The following NAMPT variants were observed in gnomAD, a reference collection of about 807,000 sequenced individuals.
NAMPT encodes nicotinamide phosphoribosyltransferase.
NAMPT carries 7 observed loss-of-function variants against 58.7 expected under a neutral mutation model. The observed-to-expected ratio is 0.12, with a 90% CI of 0.07 to 0.22. The LOEUF is 0.22. Ranked by LOEUF, NAMPT falls within the 10% of genes least tolerant of loss-of-function variation. The pLI, the probability that NAMPT is intolerant of heterozygous loss-of-function variation, is 1.00. For synonymous variants in NAMPT, 145 were observed against 198.1 expected (o/e 0.73, Z 2.25); for missense variants, 271 against 567.9 (o/e 0.48, Z 5.31).
rs1233082801 is a variant in NAMPT at position 106,250,634 on chromosome 7, G to T, written c.*449C>A. ...TTCAAGTATTTTCTTGAAAGTCTGT[G>T]CTCATAAAAATCATGAAAAGTTGGA... On this transcript the variant is annotated 3_prime_UTR_variant, in exon 11 of 11. Transcript: ENST00000222553. 1 of 154,354 alleles carries T rather than the reference G, an allele frequency of 6.5e-6. No individual in the cohort carries two copies. The highest frequency in any genetic ancestry group is 1.4e-5 in the Non-Finnish European group (1 of 69,176). 9.6% of individuals were successfully genotyped at this position (154,354 alleles called of 1,614,324 possible). A position where few individuals can be genotyped will look rare whatever the true frequency, so the allele number is the denominator to read the frequency against.
At chr7:106,280,328 A>AT (rs1792737739) in intron 1 of NAMPT, among the ~76,000 whole-genome samples, 1 of 152,214 alleles carries the variant, frequency 6.6e-6, no homozygotes, top group Admixed American at 6.5e-5. Context: ...TAAGAGTGCC[A>AT]TTTATAGAGA....
intron 6 of NAMPT, among the ~76,000 whole-genome samples, chr7:106,267,624 G>A (rs771449209): frequency 2.6e-5 from 4 of 151,502 alleles, no homozygotes; most frequent in Non-Finnish European, 5.9e-5. Flanking sequence ...GGCGGATCAC[G>A]AGGTCAGGAG....
chr7:106,252,320 C>A (rs1192814537), intron 10 of NAMPT, among the ~76,000 whole-genome samples: 1 of 152,130 alleles, frequency 6.6e-6, no homozygotes, highest in African/African-American at 2.4e-5. Flanking sequence ...GTTTGATTTA[C>A]AAACATATTT....
chr7:106,271,516 A>G (rs28503707), intron 4 of NAMPT, among the ~76,000 whole-genome samples: 1,795 of 152,240 alleles, frequency 0.012, 38 homozygotes, highest in African/African-American at 0.041. Flanking sequence ...GTACTTAATC[A>G]ATATGTTATT....
chr7:106,263,140 G>C, intron 7 of NAMPT: 1 of 452,106 alleles, frequency 2.2e-6, no homozygotes, highest in Non-Finnish European at 3.9e-6. Context: ...AATTAATTTT[G>C]CAGGTAAGCA....
At chr7:106,265,567 T>TAAAAAA (rs35685666) in intron 6 of NAMPT, among the ~76,000 whole-genome samples, 2,229 of 116,216 alleles carry the variant, frequency 0.019, 73 homozygotes, top group African/African-American at 0.07. Flanking sequence ...CTCAAAAGCT[T>TAAAAAA]AAAAAAAAAA....
rs923149400 is a variant in NAMPT at position 106,274,854 on chromosome 7, C to CAA, written c.318+90_318+91dup. ...TGGGTGACAGAGTGACACTTTCTCT[C>CAA]AAAAAACACAAAACAAAAACAAATT... On this transcript the variant is annotated intron_variant, in intron 3 of 10. Transcript: ENST00000222553. 55 of 847,428 alleles carry CAA rather than the reference C, an allele frequency of 6.5e-5. No individual in the cohort carries two copies. In the African/African-American group the frequency reaches 8.6e-4, roughly 13 times the overall value. 52.5% of individuals were successfully genotyped at this position (847,428 alleles called of 1,614,324 possible). A position where few individuals can be genotyped will look rare whatever the true frequency, so the allele number is the denominator to read the frequency against.
chr7:106,268,431 T>C (rs746961868), intron 6 of NAMPT, 33 bp downstream of exon 6: 3 of 1,589,050 alleles, frequency 1.9e-6, no homozygotes, highest in Admixed American at 1.8e-5. Context: ...GTGAAAAAAT[T>C]AGTAGTTTTA....
At chr7:106,267,873 A>AAAAAAAAAAC in intron 6 of NAMPT, among the ~76,000 whole-genome samples, 1 of 137,158 alleles carries the variant, frequency 7.3e-6, no homozygotes, top group South Asian at 2.3e-4. Context: ...AAAAAAAAAA[A>AAAAAAAAAAC]AAACAACCTG....
upstream of NAMPT, chr7:106,285,571 C>T: frequency 2.0e-6 from 2 of 985,918 alleles, no homozygotes; most frequent in East Asian, 1.1e-4. Flanking sequence ...AAGGATCCAG[C>T]CTTTCGCCTC....
intron 1 of NAMPT, among the ~76,000 whole-genome samples, chr7:106,277,897 G>C (rs527375392): frequency 6.6e-6 from 1 of 151,984 alleles, no homozygotes; most frequent in Admixed American, 6.5e-5. Context: ...TTTTAAGAAA[G>C]AAAAAGTAAA....
At chr7:106,269,838 C>G (rs1008476301) in intron 4 of NAMPT, among the ~76,000 whole-genome samples, 2 of 152,168 alleles carry the variant, frequency 1.3e-5, no homozygotes, top group Non-Finnish European at 2.9e-5. Flanking sequence ...TCGTTTACTC[C>G]TCGAGGTAGT....
rs147050177 is a variant in NAMPT at position 106,259,232 on chromosome 7, G to A, written c.1089+2356C>T. On this transcript the variant is annotated intron_variant, in intron 8 of 10. Transcript: ENST00000222553. ...AGGCTCCACCACTTCTAGTTATCTA[G>A]CTATTTCTACCACATTTGTAGTTAC... is the stretch of plus-strand genomic sequence containing the variant. 1.5e-3 allele frequency among the ~76,000 whole-genome samples: 235 copies of A among 152,244 alleles called. 1 individual carries two copies. Among genetic ancestry groups the A allele is most frequent in the African/African-American group, 5.5e-3 (228 of 41,548 alleles).
At chr7:106,256,738 G>T (rs983372665) in intron 8 of NAMPT, among the ~76,000 whole-genome samples, 1 of 152,146 alleles carries the variant, frequency 6.6e-6, no homozygotes, top group African/African-American at 2.4e-5. Context: ...TAAACTACGA[G>T]GTCTAGTAGG....
chr7:106,279,289 C>T (rs1586027819), intron 1 of NAMPT, among the ~76,000 whole-genome samples: 2 of 152,140 alleles, frequency 1.3e-5, no homozygotes, highest in Non-Finnish European at 1.5e-5. Flanking sequence ...TTAAGAGTAT[C>T]GTTTTAGAAT....
At chr7:106,267,697 C>T (rs1160739106) in intron 6 of NAMPT, among the ~76,000 whole-genome samples, 11 of 150,282 alleles carry the variant, frequency 7.3e-5, no homozygotes, top group South Asian at 2.1e-4. Context: ...AAAAATTAGC[C>T]GGGCGTAGTG....
chr7:106,275,104 C>A, intron 2 of NAMPT, 55 bp from the exon 3 acceptor site: 1 of 1,108,562 alleles, frequency 9.0e-7, no homozygotes, highest in East Asian at 2.4e-5. Context: ...CTGTGAGTTG[C>A]TGAACTGTCA....
At chr7:106,284,738 A>AACCCCCCCCCCCCCCC in intron 1 of NAMPT, 90 bp downstream of exon 1, 2 of 486,000 alleles carry the variant, frequency 4.1e-6, no homozygotes, top group Non-Finnish European at 5.8e-6. Flanking sequence ...CCCAGCCCCA[A>AACCCCCCCCCCCCCCC]CCCCAGCCCC....
chr7:106,252,019 G>A (rs1354654606), intron 10 of NAMPT, among the ~76,000 whole-genome samples: 1 of 152,024 alleles, frequency 6.6e-6, no homozygotes, highest in African/African-American at 2.4e-5. Flanking sequence ...CAGTGCTTTA[G>A]CTGTAGCATT....
Sources: gnomAD v4.1 joint callset for allele counts (sites outside exome capture counted in the v4.1 genomes callset) on GRCh38, gnomAD v4.1.1 for gene constraint, MANE v1.5 for transcripts, NCBI Gene and HGNC (gene_info 2026-07-23, HGNC 2026-07-21) for gene names.